Variants in LRP1B observed in about 807,000 individuals in gnomAD.
The protein encoded by LRP1B is LDL receptor related protein 1B.
In LRP1B, 217 loss-of-function variants were observed where a neutral mutation model predicts 556.6. The observed-to-expected ratio is 0.39, with a 90% confidence interval of 0.35 to 0.44. The LOEUF (loss-of-function observed/expected upper bound fraction) is 0.44, where lower values mean the gene tolerates loss of function less well. LRP1B is among the 20% of genes least tolerant of loss of function. LRP1B has a pLI of 1.00. For missense variants in LRP1B, 5,053 were observed against 5,620.8 expected, an observed-to-expected ratio of 0.90 and a Z score of 3.23; for synonymous variants, 2,047 against 1,865.8, an observed-to-expected ratio of 1.10 and a Z score of -2.50.
At chr2:141,309,770 C>T (rs1357495777) in intron 3 of LRP1B, among the ~76,000 whole-genome samples, 2 of 152,006 alleles carry the variant, frequency 1.3e-5, no homozygotes, top group Non-Finnish European at 2.9e-5. Context: ...TGCGGCAAAC[C>T]ACCAAGGCAC....
chr2:140,278,551 T>A (rs1052874360), intron 84 of LRP1B, among the ~76,000 whole-genome samples: 2 of 151,974 alleles, frequency 1.3e-5, no homozygotes, highest in African/African-American at 4.8e-5. Context: ...TGCGTCCAAT[T>A]TTTTTTCATA....
intron 2 of LRP1B, among the ~76,000 whole-genome samples, chr2:141,547,770 C>T (rs934816448): frequency 1.3e-5 from 2 of 152,032 alleles, no homozygotes; most frequent in Non-Finnish European, 2.9e-5. Flanking sequence ...TCCTTTTATT[C>T]CTTTGGTCTA....
At chr2:140,346,195 G>T (rs1681675615) in intron 77 of LRP1B, among the ~76,000 whole-genome samples, 1 of 151,572 alleles carries the variant, frequency 6.6e-6, no homozygotes, top group South Asian at 2.1e-4. Context: ...GGGTATGAAT[G>T]AATACATTTT....
chr2:141,732,698 T>C (rs1247782456), intron 2 of LRP1B, among the ~76,000 whole-genome samples: 1 of 152,118 alleles, frequency 6.6e-6, no homozygotes, highest in African/African-American at 2.4e-5. Flanking sequence ...GGAAGAAAGA[T>C]AGCCATAGAA....
At chr2:140,366,405 TTTGAG>T (rs1262647455) in intron 71 of LRP1B, among the ~76,000 whole-genome samples, 1 of 151,614 alleles carries the variant, frequency 6.6e-6, no homozygotes, top group African/African-American at 2.4e-5. Flanking sequence ...ACATAATTCA[TTTGAG>T]GTACCGGTCC....
At chr2:141,115,318 A>G (rs988525373) in intron 7 of LRP1B, among the ~76,000 whole-genome samples, 3 of 152,164 alleles carry the variant, frequency 2.0e-5, no homozygotes, top group African/African-American at 7.2e-5. Context: ...TGTGATAGGA[A>G]TAGACAAGGA....
At position 140,922,979 on chromosome 2, in the gene LRP1B, G is replaced by A. The variant is rs774352338; in HGVS notation, c.3305C>T (p.Ser1102Phe). ...TGTTCACTTACCTGTACTCCAACAG[G>A]AAAACTTGGTTTTGTGGTCACACAA... ...IRLCDHKTKF[S>F]CWSTGRCINK... Residue 1102 changes from serine (S) to phenylalanine (F), a missense_variant, in exon 21 of 91, where the codon TCC becomes TTC. Ser to Phe is a radical substitution (Grantham distance 155). Coordinates refer to ENST00000389484, the MANE Select transcript of LRP1B (RefSeq NM_018557.3). 3 of 1,612,164 alleles carry A rather than the reference G, an allele frequency of 1.9e-6. No individual in the cohort carries two copies. Among genetic ancestry groups the A allele is most frequent in the South Asian group, 2.2e-5 (2 of 90,850 alleles).
chr2:140,649,871 A>G (rs906082446), intron 41 of LRP1B, among the ~76,000 whole-genome samples: 10 of 152,200 alleles, frequency 6.6e-5, no homozygotes, highest in African/African-American at 2.4e-4. Flanking sequence ...TTGGCAATAA[A>G]TATTAGGTAT....
intron 2 of LRP1B, among the ~76,000 whole-genome samples, chr2:141,757,585 C>T (rs924673873): frequency 3.9e-5 from 6 of 152,094 alleles, no homozygotes; most frequent in Non-Finnish European, 8.8e-5. Context: ...GACAATCTTG[C>T]TCTGTCACCC....
chr2:141,458,048 TTTTG>T (rs1179931409), intron 3 of LRP1B, among the ~76,000 whole-genome samples: 1 of 152,164 alleles, frequency 6.6e-6, no homozygotes, highest in Non-Finnish European at 1.5e-5. Flanking sequence ...TGTAAGTGGT[TTTTG>T]TTTGTTTTGT....
intron 7 of LRP1B, among the ~76,000 whole-genome samples, chr2:141,132,801 T>A (rs915710129): frequency 2.6e-5 from 4 of 152,042 alleles, no homozygotes; most frequent in African/African-American, 9.7e-5. Context: ...AGCATGTGTG[T>A]GATACACAAA....
chr2:140,647,508 A>G (rs2105312838), intron 41 of LRP1B, among the ~76,000 whole-genome samples: 1 of 152,278 alleles, frequency 6.6e-6, no homozygotes, highest in Non-Finnish European at 1.5e-5. Context: ...GGTGTTATTA[A>G]CAATCATCAG....
chr2:141,860,729 T>C (rs1574437633), intron 1 of LRP1B, among the ~76,000 whole-genome samples: 3 of 152,212 alleles, frequency 2.0e-5, no homozygotes, highest in Admixed American at 1.3e-4. Flanking sequence ...CATGGTAATA[T>C]ATCAACTTTA....
At chr2:141,438,024 C>T (rs530255306) in intron 3 of LRP1B, among the ~76,000 whole-genome samples, 3 of 152,148 alleles carry the variant, frequency 2.0e-5, no homozygotes, top group East Asian at 3.9e-4. Context: ...AGTGCATTGA[C>T]TATATAACAT....
chr2:141,775,822 GA>G (rs1355888388), intron 2 of LRP1B, among the ~76,000 whole-genome samples: 1 of 150,252 alleles, frequency 6.7e-6, no homozygotes, highest in African/African-American at 2.4e-5. Context: ...TGTATTTATG[GA>G]TGTACTCATC....
chr2:141,381,301 A>G (rs989996424), intron 3 of LRP1B, among the ~76,000 whole-genome samples: 7 of 151,966 alleles, frequency 4.6e-5, no homozygotes, highest in Non-Finnish European at 8.8e-5. Flanking sequence ...GACTCGATCA[A>G]GCAGGAGAAA....
At position 141,591,346 on chromosome 2, in the gene LRP1B, T is replaced by TTTTG. The variant is rs144656689; in HGVS notation, c.206-110814_206-110813insCAAA. Among the ~76,000 whole-genome samples, 91 of 134,932 alleles carry TTTTG rather than the reference T, an allele frequency of 6.7e-4. No homozygotes were observed. The East Asian group carries it at 7.0e-3, about 10-fold the overall frequency. 88.5% of individuals were successfully genotyped at this position (134,932 alleles called of 152,430 possible). Reference sequence around the variant, plus strand: ...GACTTGGTTTTAGTACTGGTTTTTTTTTGTTGTTGTTTGTTTGTTTTTTTT... The same window carrying TTTTG: ...GACTTGGTTTTAGTACTGGTTTTTTTTTTGTTGTTGTTGTTTGTTTGTTTTTTTT... On this transcript the variant is annotated intron_variant, in intron 2 of 90. Coordinates refer to ENST00000389484, the MANE Select transcript of LRP1B (RefSeq NM_018557.3).
intron 42 of LRP1B, 79 bp downstream of exon 42, chr2:140,601,371 A>C (rs1682665371): frequency 8.7e-7 from 1 of 1,151,784 alleles, no homozygotes; most frequent in African/African-American, 1.6e-5. Context: ...TTTTAAAGTT[A>C]ATTCTTAAAA....
chr2:141,019,590 T>C (rs1698007091), intron 12 of LRP1B, among the ~76,000 whole-genome samples: 1 of 152,094 alleles, frequency 6.6e-6, no homozygotes. Flanking sequence ...CAATAGCCTT[T>C]AAAATATAAA....
Sources: gnomAD v4.1 joint callset for allele counts (sites outside exome capture counted in the v4.1 genomes callset) on GRCh38, gnomAD v4.1.1 for gene constraint, MANE v1.5 for transcripts, NCBI Gene and HGNC (gene_info 2026-07-23, HGNC 2026-07-21) for gene names.